Variants in ANO4 observed in about 807,000 individuals in gnomAD.
ANO4 encodes the protein anoctamin 4, also known as anoctamin-4.
In ANO4, 69 loss-of-function variants were observed where a neutral mutation model predicts 141.9. That is an observed-to-expected ratio of 0.49 (90% CI 0.40 to 0.59). ANO4 has a LOEUF of 0.59. ANO4 is among the 20% of genes least tolerant of loss of function. The pLI is 0.00. For missense variants in ANO4, 894 were observed against 1,162.2 expected (o/e 0.77, Z 3.36); for synonymous variants, 350 against 394.3 (o/e 0.89, Z 1.33).
intron 1 of ANO4, among the ~76,000 whole-genome samples, chr12:100,797,348 C>A (rs1478397600): frequency 1.4e-5 from 2 of 143,488 alleles, no homozygotes; most frequent in Non-Finnish European, 3.0e-5. Context: ...TTAAGAATTT[C>A]TTTGAATTGG....
intron 14 of ANO4, among the ~76,000 whole-genome samples, chr12:101,067,300 C>A (rs113016642): frequency 6.6e-6 from 1 of 152,084 alleles, no homozygotes; most frequent in Non-Finnish European, 1.5e-5. Context: ...GTCTTATTTA[C>A]CTTTAGGTTT....
rs566115455 is a variant in ANO4 at position 101,015,008 on chromosome 12, G to T, written c.735-5026G>T. Among the ~76,000 whole-genome samples the T allele has an allele frequency of 8.3e-3, 685 of 82,740 alleles. 3 individuals carry two copies. Among genetic ancestry groups the T allele is most frequent in the African/African-American group, 0.017 (491 of 28,998 alleles). 54.3% of individuals were successfully genotyped at this position (82,740 alleles called of 152,430 possible). A position where few individuals can be genotyped will look rare whatever the true frequency, so the allele number is the denominator to read the frequency against. ...CCACACCCAGCTAATTTTTTTTTTT[G>T]TAGAGATGGGGTCTCACTATGTTGC... On this transcript the variant is annotated intron_variant, in intron 8 of 27. Coordinates refer to ENST00000392977, the MANE Select transcript of ANO4 (RefSeq NM_001286615.2).
At chr12:100,852,970 A>T (rs1010171024) in intron 1 of ANO4, among the ~76,000 whole-genome samples, 13 of 152,272 alleles carry the variant, frequency 8.5e-5, no homozygotes, top group African/African-American at 3.1e-4. Flanking sequence ...CCTTCCTGGG[A>T]ACAATTTAAT....
At chr12:100,862,056 T>A (rs988451587) in intron 1 of ANO4, among the ~76,000 whole-genome samples, 3 of 152,198 alleles carry the variant, frequency 2.0e-5, no homozygotes, top group African/African-American at 7.2e-5. Context: ...AGCTGCTTTC[T>A]AGTTAACTTT....
intron 1 of ANO4, chr12:100,858,943 A>C (rs1259514317): frequency 6.6e-6 from 1 of 152,230 alleles, no homozygotes; most frequent in East Asian, 1.9e-4. Context: ...TTTTCACAAA[A>C]GAAGTCATTA....
chr12:100,999,100 T>C (rs1235486560), intron 8 of ANO4, among the ~76,000 whole-genome samples: 11 of 152,238 alleles, frequency 7.2e-5, no homozygotes, highest in African/African-American at 2.2e-4. Flanking sequence ...GTTAGTTTTC[T>C]ATGGCTGCTA....
At chr12:101,042,732 C>T (rs1256832748) in intron 12 of ANO4, among the ~76,000 whole-genome samples, 1 of 152,244 alleles carries the variant, frequency 6.6e-6, no homozygotes, top group Non-Finnish European at 1.5e-5. Flanking sequence ...CGCCTTCATT[C>T]ACTGGCTATA....
intron 8 of ANO4, among the ~76,000 whole-genome samples, chr12:100,988,863 T>C (rs1463079811): frequency 3.5e-5 from 2 of 57,188 alleles, no homozygotes; most frequent in African/African-American, 1.4e-4. Context: ...AGAGTGAGAC[T>C]CTGTCTCAGA....
intron 14 of ANO4, among the ~76,000 whole-genome samples, chr12:101,058,565 A>G (rs185086094): frequency 1.1e-4 from 17 of 152,290 alleles, no homozygotes; most frequent in Non-Finnish European, 1.8e-4. Context: ...TTCTCCTTGA[A>G]GAGGCCCTTC....
At chr12:101,111,219 C>G (rs1024032561) in intron 23 of ANO4, among the ~76,000 whole-genome samples, 25 of 145,590 alleles carry the variant, frequency 1.7e-4, no homozygotes, top group Non-Finnish European at 3.7e-4. Context: ...CAAAGATGAA[C>G]AGAAGGGACC....
At chr12:101,014,584 A>G (rs922853005) in intron 8 of ANO4, among the ~76,000 whole-genome samples, 1 of 152,186 alleles carries the variant, frequency 6.6e-6, no homozygotes, top group Admixed American at 6.5e-5. Context: ...CAAACGCAGG[A>G]GAAAATTTGG....
At chr12:100,758,221 C>T (rs1320575641) in intron 3 of ANO4, among the ~76,000 whole-genome samples, 1 of 152,216 alleles carries the variant, frequency 6.6e-6, no homozygotes, top group Non-Finnish European at 1.5e-5. Context: ...TTGGCTCATT[C>T]AGAATTAGAG....
chr12:100,977,517 C>T (rs1011884150), intron 7 of ANO4, among the ~76,000 whole-genome samples: 1 of 152,116 alleles, frequency 6.6e-6, no homozygotes, highest in African/African-American at 2.4e-5. Context: ...GAGGCCCCAT[C>T]TCTAAAAATG....
At chr12:100,949,651 C>T (rs590324) in intron 5 of ANO4, among the ~76,000 whole-genome samples, 125,007 of 152,176 alleles carry the variant, frequency 0.82, 51,670 homozygotes, top group African/African-American at 0.92. Flanking sequence ...TTCTTTATAA[C>T]GCAACCATTA....
chr12:100,778,564 T>C (rs2033610433), intron 3 of ANO4, among the ~76,000 whole-genome samples: 1 of 152,162 alleles, frequency 6.6e-6, no homozygotes, highest in Non-Finnish European at 1.5e-5. Context: ...CTCTTGCTGC[T>C]GGAGGTTGTA....
At chr12:100,918,431 T>G (rs1348430013) in intron 2 of ANO4, among the ~76,000 whole-genome samples, 1 of 152,246 alleles carries the variant, frequency 6.6e-6, no homozygotes, top group Non-Finnish European at 1.5e-5. Flanking sequence ...GTACCTATTT[T>G]GAGTATTTTC....
At chr12:100,759,132 G>A (rs1306107721) in intron 3 of ANO4, among the ~76,000 whole-genome samples, 4 of 152,188 alleles carry the variant, frequency 2.6e-5, no homozygotes, top group African/African-American at 9.7e-5. Context: ...GAAACCTAGA[G>A]ATGGTAGGTG....
At chr12:101,033,347 T>A (rs566365074) in intron 9 of ANO4, among the ~76,000 whole-genome samples, 31 of 152,046 alleles carry the variant, frequency 2.0e-4, no homozygotes, top group African/African-American at 7.0e-4. Flanking sequence ...GGGATAGCAT[T>A]GGGAGATACA....
At chr12:100,844,192 A>C (rs993414452) in intron 1 of ANO4, among the ~76,000 whole-genome samples, 16 of 152,136 alleles carry the variant, frequency 1.1e-4, no homozygotes, top group African/African-American at 3.6e-4. Flanking sequence ...AGGCCTGTGA[A>C]GAAAAGAGAA....
Sources: gnomAD v4.1 joint callset for allele counts (sites outside exome capture counted in the v4.1 genomes callset) on GRCh38, gnomAD v4.1.1 for gene constraint, MANE v1.5 for transcripts, NCBI Gene and HGNC (gene_info 2026-07-23, HGNC 2026-07-21) for gene names.